PPFIA4: variants seen among roughly 807,000 people sequenced by gnomAD.
The protein encoded by PPFIA4 is liprin-alpha-4.
Under a neutral mutation model 145.7 loss-of-function variants are expected in PPFIA4, and 98 were observed. The ratio of observed to expected loss-of-function variants is 0.67; its 90% CI spans 0.57 to 0.80. The LOEUF is 0.80. Among genes scored for constraint, PPFIA4 ranks in the 30% least tolerant of loss-of-function variants. The pLI is 0.00. For synonymous variants in PPFIA4, 628 were observed against 649.6 expected (o/e 0.97, Z 0.51); for missense variants, 1,457 against 1,632.7 (o/e 0.89, Z 1.85).
chr1:203,045,522 A>G lies in PPFIA4; in HGVS notation c.821A>G (p.Glu274Gly). The G allele has an allele frequency of 1.2e-6, 2 of 1,604,662 alleles. No individual in the cohort carries two copies. The highest frequency in any genetic ancestry group is 2.2e-5 in the South Asian group (2 of 89,364). ...GTARRDLIKS[E>G]ELSSKHQRDL... ...GCCCGCCGGGACCTCATCAAGTCGGAGGAGCTGAGCAGCAAGCATCAGCGG... is the reference window on the plus strand; with the variant it reads ...GCCCGCCGGGACCTCATCAAGTCGGGGGAGCTGAGCAGCAAGCATCAGCGG... The change falls in exon 7 of 30, where the codon GAG becomes GGG. Residue 274 changes from glutamate to glycine, a missense_variant. This residue lies in a region of PPFIA4 where 463 missense variants were observed against 459.8 expected (regional missense o/e 1.01). Coordinates refer to ENST00000295706, the MANE Select transcript of PPFIA4 (RefSeq NM_001304331.2).
At chr1:203,070,728 A>G (rs954490934) in intron 27 of PPFIA4, among the ~76,000 whole-genome samples, 1 of 151,270 alleles carries the variant, frequency 6.6e-6, no homozygotes, top group African/African-American at 2.4e-5. Context: ...CCCAGGGACA[A>G]CCAGTATCCA....
chr1:203,035,238 G>C (rs1432513654), intron 1 of PPFIA4: 2 of 455,282 alleles, frequency 4.4e-6, no homozygotes, highest in African/African-American at 4.0e-5. Flanking sequence ...GACGCTCCTA[G>C]CGGCCCTGCC....
chr1:203,076,151 G>T lies in PPFIA4; in HGVS notation c.3575-190G>T. ...CCCCACGCACCTGCCCTTGGCTGCC[G>T]GCCTGGCCCTGCCGCTCCAGTCCCG... On this transcript the variant is annotated intron_variant, in intron 29 of 29. Coordinates refer to ENST00000295706, the MANE Select transcript of PPFIA4 (RefSeq NM_001304331.2). 7.6e-6 allele frequency: 5 copies of T among 659,220 alleles called. No individual in the cohort carries two copies. In the South Asian group the frequency reaches 9.3e-5, roughly 12 times the overall value. The allele number at this position is 659,220 out of a possible 1,614,324, so 40.8% of individuals were successfully genotyped here. A position where few individuals can be genotyped will look rare whatever the true frequency, so the allele number is the denominator to read the frequency against.
At chr1:203,042,031 C>G (rs1185306276) in intron 2 of PPFIA4, among the ~76,000 whole-genome samples, 1 of 152,184 alleles carries the variant, frequency 6.6e-6, no homozygotes, top group African/African-American at 2.4e-5. Context: ...CACAACCCTT[C>G]TAGCCCCTTT....
At chr1:203,059,093 C>T (rs1661182063) in intron 19 of PPFIA4, 85 bp from the exon 20 acceptor site, 5 of 1,104,352 alleles carry the variant, frequency 4.5e-6, no homozygotes, top group South Asian at 2.7e-5. Flanking sequence ...AAGGAGCCTC[C>T]TGCTGCTTCT....
chr1:203,077,726 T>A lies in PPFIA4; in HGVS notation c.*1336T>A, dbSNP rs906530386. ...CCAAGCTGAGGGATACAGGTCCTGA[T>A]TTGGTAGGAATATTATTCCCAAGAA... is the stretch of plus-strand genomic sequence containing the variant. On this transcript the variant is annotated 3_prime_UTR_variant, in exon 30 of 30. Transcript: ENST00000295706. 1 of 152,182 alleles carries A rather than the reference T, an allele frequency of 6.6e-6. No homozygotes were observed. Among genetic ancestry groups the A allele is most frequent in the African/African-American group, 2.4e-5 (1 of 41,426 alleles). The allele number at this position is 152,182 out of a possible 1,614,324, so 9.4% of individuals were successfully genotyped here.
chr1:203,056,569 C>T, intron 18 of PPFIA4, 61 bp downstream of exon 18: 1 of 1,577,128 alleles, frequency 6.3e-7, no homozygotes, highest in Non-Finnish European at 8.6e-7. Flanking sequence ...CTCCCTTCCT[C>T]TGCCTCTGCA....
chr1:203,056,263 G>T, intron 17 of PPFIA4, 108 bp downstream of exon 17: 4 of 1,598,548 alleles, frequency 2.5e-6, no homozygotes, highest in Middle Eastern at 1.7e-4. Context: ...ACTCAGAGAG[G>T]CACCCAGGGC....
chr1:203,040,754 A>G (rs533096535), intron 2 of PPFIA4, among the ~76,000 whole-genome samples: 1 of 152,298 alleles, frequency 6.6e-6, no homozygotes, highest in African/African-American at 2.4e-5. Context: ...CAGCACCTGG[A>G]GGGAGGACTG....
At chr1:203,051,597 G>A (rs966188347) in intron 13 of PPFIA4, 172 bp from the exon 14 acceptor site, 36 of 1,274,756 alleles carry the variant, frequency 2.8e-5, no homozygotes, top group Non-Finnish European at 3.2e-5. Flanking sequence ...CAGGGCATAC[G>A]TCTGCTCTCT....
intron 28 of PPFIA4, among the ~76,000 whole-genome samples, chr1:203,074,095 G>C (rs1662357078): frequency 6.6e-6 from 1 of 152,166 alleles, no homozygotes; most frequent in African/African-American, 2.4e-5. Context: ...AAGGCATGGA[G>C]GTAGGGAGAA....
chr1:203,051,131 T>G (rs975714855), intron 13 of PPFIA4: 1 of 985,226 alleles, frequency 1.0e-6, no homozygotes, highest in African/African-American at 1.7e-5. Flanking sequence ...TCCAGGGGAT[T>G]GTTGCTTGGG....
intron 1 of PPFIA4, among the ~76,000 whole-genome samples, chr1:203,031,931 T>TA: frequency 6.6e-6 from 1 of 152,332 alleles, no homozygotes; most frequent in South Asian, 2.1e-4. Context: ...AGTAACTATA[T>TA]GATCTCTATT....
At chr1:203,049,650 C>T (rs1660351562) in intron 12 of PPFIA4, 26 bp from the exon 13 acceptor site, 1 of 1,491,194 alleles carries the variant, frequency 6.7e-7, no homozygotes, top group Non-Finnish European at 9.0e-7. Flanking sequence ...CCCACTCCCG[C>T]CCCCACCCCG....
At chr1:203,033,876 C>T (rs184767367) in intron 1 of PPFIA4, among the ~76,000 whole-genome samples, 4 of 152,190 alleles carry the variant, frequency 2.6e-5, no homozygotes, top group African/African-American at 7.2e-5. Context: ...CCCAGCTACT[C>T]GGAGGCTGAG....
Position 203,076,772 on chromosome 1 carries a change from G to T in PPFIA4, c.*382G>T. 1 of 289,440 alleles carries T rather than the reference G, an allele frequency of 3.5e-6. No homozygotes were observed. The highest frequency in any genetic ancestry group is 6.5e-6 in the Non-Finnish European group (1 of 153,548). The allele number at this position is 289,440 out of a possible 1,614,324, so 17.9% of individuals were successfully genotyped here. On this transcript the variant is annotated 3_prime_UTR_variant, in exon 30 of 30. Coordinates refer to ENST00000295706, the MANE Select transcript of PPFIA4 (RefSeq NM_001304331.2). ...AGGATCCTGGGCCACAGGCTGGGAT[G>T]GTCCTTCCAAGAAAGGGTCATTTCA...
intron 24 of PPFIA4, among the ~76,000 whole-genome samples, chr1:203,061,913 G>A (rs757492032): frequency 2.6e-4 from 40 of 151,306 alleles, no homozygotes; most frequent in Admixed American, 1.3e-4. Flanking sequence ...CTGCATTCCT[G>A]GCCCTTCTCC....
chr1:203,050,542 T>C (rs1290211499), intron 13 of PPFIA4, among the ~76,000 whole-genome samples: 1 of 152,162 alleles, frequency 6.6e-6, no homozygotes, highest in Admixed American at 6.5e-5. Flanking sequence ...CCTTTGGTCA[T>C]GTGCTTGCTG....
chr1:203,035,534 T>C (rs1182259519), intron 1 of PPFIA4: 4 of 456,748 alleles, frequency 8.8e-6, no homozygotes, highest in South Asian at 6.2e-5. Context: ...CACTCACTCT[T>C]GAGCCCTCTT....
Sources: gnomAD v4.1 joint callset for allele counts (sites outside exome capture counted in the v4.1 genomes callset) on GRCh38, gnomAD v4.1.1 for gene constraint, gnomAD v4.1.1 regional missense constraint, MANE v1.5 for transcripts, NCBI Gene and HGNC (gene_info 2026-07-23, HGNC 2026-07-21) for gene names.